Variants in KRT76 observed in about 807,000 individuals in gnomAD.
KRT76 encodes the protein keratin 76, also known as keratin, type II cytoskeletal 2 oral.
A neutral mutation model predicts 44.9 loss-of-function variants in KRT76; 47 were observed. That is an observed-to-expected ratio of 1.05 (90% CI 0.83 to 1.33). The LOEUF is 1.33. Among genes scored for constraint, KRT76 ranks in the 40% most tolerant of loss-of-function variants. The pLI is 0.00. For synonymous variants in KRT76, 331 were observed against 294.1 expected, an observed-to-expected ratio of 1.13 and a Z score of -1.28; for missense variants, 860 against 775.8, an observed-to-expected ratio of 1.11 and a Z score of -1.29.
Position 52,772,833 on chromosome 12 carries a change from C to T in KRT76, c.922G>A (p.Val308Met). 1 of 1,614,164 alleles carries T rather than the reference C, an allele frequency of 6.2e-7. No individual in the cohort carries two copies. The highest frequency in any genetic ancestry group is 8.5e-7 in the Non-Finnish European group (1 of 1,180,012). ...CTGACTTCATCTGTCAGGCTGTCCACTTTGGCCTGCAGCTCCACCTTGTTC... is the reference window on the plus strand; with the variant it reads ...CTGACTTCATCTGTCAGGCTGTCCATTTTGGCCTGCAGCTCCACCTTGTTC... ...FMNKVELQAKVDSLTDEVSFL... is the reference protein window; with the variant it reads ...FMNKVELQAKMDSLTDEVSFL... The change falls in exon 4 of 9, where the codon GTG becomes ATG. Residue 308 changes from valine (V) to methionine (M), a missense_variant. Val to Met is a conservative substitution (Grantham distance 21). Coordinates refer to ENST00000332411, the MANE Select transcript of KRT76 (RefSeq NM_015848.4).
intron 1 of KRT76, 21 bp from the exon 2 acceptor site, chr12:52,775,623 A>T (rs376112650): frequency 6.2e-7 from 1 of 1,606,032 alleles, no homozygotes; most frequent in Admixed American, 1.7e-5. Context: ...GAGGGGAGAA[A>T]AGGAGTCAGC....
chr12:52,771,989 T>TC lies in KRT76; in HGVS notation c.1144dup (p.Glu382GlyfsTer12). Reference sequence around the variant, plus strand: ...ATGCCTGCCAGCTGTGGTCTGCAGCTCCCCAAGCTGACAGAGGAAAAACCA... The same window carrying TC: ...ATGCCTGCCAGCTGTGGTCTGCAGCTCCCCCAAGCTGACAGAGGAAAAACCA... On this transcript the variant is annotated frameshift_variant, in exon 6 of 9. Transcript: ENST00000332411. LOFTEE classifies it high-confidence loss of function. 6.2e-7 allele frequency: 1 copy of TC among 1,613,558 alleles called. No individual in the cohort carries two copies. Among genetic ancestry groups the TC allele is most frequent in the Non-Finnish European group, 8.5e-7 (1 of 1,179,840 alleles).
chr12:52,772,228 C>T lies in KRT76; in HGVS notation c.1003G>A (p.Asp335Asn), dbSNP rs774813836. Residue 335 changes from aspartate to asparagine, a missense_variant, in exon 5 of 9, where the codon GAC becomes AAC. Coordinates refer to ENST00000332411, the MANE Select transcript of KRT76 (RefSeq NM_015848.4). ...ELSQMQSHASDTSVVLSMDNN... is the reference protein window; with the variant it reads ...ELSQMQSHASNTSVVLSMDNN... ...TCCATGGACAGAACCACAGACGTGT[C>T]ACTGGCATGGCTTTGCATCTGGGAC... The T allele has an allele frequency of 6.2e-7, 1 of 1,608,202 alleles. No homozygotes were observed. Among genetic ancestry groups the T allele is most frequent in the Admixed American group, 1.7e-5 (1 of 59,530 alleles).
intron 2 of KRT76, 150 bp downstream of exon 2, chr12:52,775,238 C>T: frequency 2.8e-6 from 2 of 709,366 alleles, no homozygotes; most frequent in Admixed American, 2.5e-5. Flanking sequence ...CCCACCCTTT[C>T]ACCCCCTTCT....
At chr12:52,774,773 G>C (rs939967586) in intron 2 of KRT76, among the ~76,000 whole-genome samples, 4 of 151,940 alleles carry the variant, frequency 2.6e-5, no homozygotes, top group African/African-American at 9.6e-5. Context: ...GCCCGTCCCT[G>C]TGGGTTCTGA....
In KRT76 at chr12:52,776,791, G is replaced by A. The variant is rs745863620; in HGVS notation, c.501C>T (p.Pro167=). 1.2e-6 allele frequency: 2 copies of A among 1,614,072 alleles called. No individual in the cohort carries two copies. The highest frequency in any genetic ancestry group is 1.7e-5 in the Admixed American group (1 of 60,016). Residue 167 remains proline (P), a synonymous_variant, in exon 1 of 9, where the codon CCC becomes CCT. Transcript: ENST00000332411. ...TCTGGGGGTCGATCTCCACATTGAG[G>A]GGCTGCAGGAGACTCTGGTTTACAA... ...EVIVNQSLLQ[P]LNVEIDPQIG... is the part of the protein sequence containing the mutation.
rs533748140 is a variant in KRT76 at position 52,774,528 on chromosome 12, C to G, written c.815+860G>C. 4.6e-5 allele frequency among the ~76,000 whole-genome samples: 7 copies of G among 152,234 alleles called. No individual in the cohort carries two copies. In the South Asian group the frequency reaches 1.2e-3, roughly 27 times the overall value. On this transcript the variant is annotated intron_variant, in intron 2 of 8. Transcript: ENST00000332411. ...CCTGTTAAGGACTAAAATCTACTACCAAGAGTTTGTATTTCATAAAGCTTG... is the reference window on the plus strand; with the variant it reads ...CCTGTTAAGGACTAAAATCTACTACGAAGAGTTTGTATTTCATAAAGCTTG...
In KRT76 at chr12:52,775,537, G is replaced by A. The variant is rs745970657; in HGVS notation, c.666C>T (p.Thr222=). 7 of 1,614,120 alleles carry A rather than the reference G, an allele frequency of 4.3e-6. No homozygotes were observed. Among genetic ancestry groups the A allele is most frequent in the Non-Finnish European group, 5.1e-6 (6 of 1,180,042 alleles). Residue 222 remains threonine, a synonymous_variant, in exon 2 of 9, where the codon ACC becomes ACT. Coordinates refer to ENST00000332411, the MANE Select transcript of KRT76 (RefSeq NM_015848.4). ...CCAGGCTGCTGGGCCCTGAGCCTGT[G>A]GTCTGCTGCTGGAGCAGTTCCCACT... ...ETKWELLQQQ[T]TGSGPSSLEP...
chr12:52,773,463 AG>A, intron 3 of KRT76, 118 bp downstream of exon 3: 1 of 625,928 alleles, frequency 1.6e-6, no homozygotes. Context: ...TGTAAGGAAA[AG>A]TGTCAATCCC....
intron 1 of KRT76, 102 bp downstream of exon 1, chr12:52,776,590 C>G (rs1395685331): frequency 8.8e-6 from 14 of 1,584,122 alleles, no homozygotes; most frequent in Non-Finnish European, 1.0e-5. Flanking sequence ...GGACAAGAGC[C>G]AAGCGCCCCT....
intron 4 of KRT76, 68 bp downstream of exon 4, chr12:52,772,715 G>C (rs1295714388): frequency 1.8e-6 from 2 of 1,117,842 alleles, no homozygotes; most frequent in Non-Finnish European, 2.7e-6. Flanking sequence ...CTGTTTGGCT[G>C]TCCCCTAAAG....
chr12:52,776,104 A>G (rs1329038746), intron 1 of KRT76, among the ~76,000 whole-genome samples: 3 of 152,212 alleles, frequency 2.0e-5, no homozygotes, highest in Non-Finnish European at 4.4e-5. Context: ...GAAGTTTCAC[A>G]TAGGAAGACC....
chr12:52,776,878 G>T lies in KRT76; in HGVS notation c.414C>A (p.Gly138=), dbSNP rs1362489434. 7 of 1,611,816 alleles carry T rather than the reference G, an allele frequency of 4.3e-6. No homozygotes were observed. In the South Asian group the frequency reaches 5.5e-5, roughly 13 times the overall value. The change falls in exon 1 of 9, where the codon GGC becomes GGA. Residue 138 remains glycine, a synonymous_variant. Coordinates refer to ENST00000332411, the MANE Select transcript of KRT76 (RefSeq NM_015848.4). Reference sequence around the variant, plus strand: ...CAAAGCCACCAGGACCACCAAAGCTGCCAGGCCCACCAAATACACCAGGAC... The same window carrying T: ...CAAAGCCACCAGGACCACCAAAGCTTCCAGGCCCACCAAATACACCAGGAC... ...FGGPGVFGGP[G]SFGGPGGFGP...
intron 4 of KRT76, 136 bp downstream of exon 4, chr12:52,772,647 T>A (rs1464589209): frequency 1.4e-6 from 1 of 709,576 alleles, no homozygotes; most frequent in Non-Finnish European, 2.5e-6. Flanking sequence ...CAGTTAACAT[T>A]TCCCAGGTGG....
chr12:52,774,145 T>C (rs115507018), intron 2 of KRT76, among the ~76,000 whole-genome samples: 291 of 152,276 alleles, frequency 1.9e-3, no homozygotes, highest in African/African-American at 6.5e-3. Flanking sequence ...TGTAACTAGG[T>C]TCCTGCATTA....
intron 7 of KRT76, 85 bp downstream of exon 7, chr12:52,770,914 C>G (rs1939168942): frequency 6.4e-7 from 1 of 1,562,444 alleles, no homozygotes; most frequent in African/African-American, 1.4e-5. Context: ...TAGTGTTCCT[C>G]TCCTTATCAT....
intron 2 of KRT76, among the ~76,000 whole-genome samples, chr12:52,774,464 T>A (rs891071841): frequency 1.3e-5 from 2 of 152,254 alleles, no homozygotes; most frequent in East Asian, 1.9e-4. Context: ...TAAGAAAGAA[T>A]TCATACCTTC....
At chr12:52,773,822 A>G (rs1939222562) in intron 2 of KRT76, among the ~76,000 whole-genome samples, 180 bp from the exon 3 acceptor site, 1 of 146,146 alleles carries the variant, frequency 6.8e-6, no homozygotes, top group Non-Finnish European at 1.5e-5. Flanking sequence ...CACCATATTG[A>G]CATTCTTTCT....
rs149286740 is a variant in KRT76, at chr12:52,776,820, C to G, written c.472G>C (p.Val158Leu). Residue 158 changes from valine (V) to leucine (L), a missense_variant, in exon 1 of 9, where the codon GTG becomes CTG. Val to Leu is a conservative substitution (Grantham distance 32). Transcript: ENST00000332411. ...PGGFPGGIQE[V>L]IVNQSLLQPL... ...TGCAGGAGACTCTGGTTTACAATCA[C>G]TTCCTGAATTCCCCCAGGAAAGCCC... 2.5e-4 allele frequency: 400 copies of G among 1,614,036 alleles called. 1 individual carries two copies. The highest frequency in any genetic ancestry group is 3.1e-4 in the Non-Finnish European group (368 of 1,180,024).
Sources: allele counts gnomAD v4.1 joint callset (sites outside exome capture counted in the v4.1 genomes callset), GRCh38; gene constraint gnomAD v4.1.1; transcripts MANE v1.5; gene names NCBI Gene and HGNC (gene_info 2026-07-23, HGNC 2026-07-21).